GRIP1: variants seen among roughly 807,000 people sequenced by gnomAD.
The protein encoded by GRIP1 is glutamate receptor-interacting protein 1.
GRIP1 carries 45 observed loss-of-function variants against 129.9 expected under a neutral mutation model. That is an observed-to-expected ratio of 0.35 (90% CI 0.27 to 0.44). GRIP1 has a LOEUF of 0.44. Ranked by LOEUF, GRIP1 falls within the 20% of genes least tolerant of loss-of-function variation. The pLI is 1.00. For synonymous variants in GRIP1, 530 were observed against 520.8 expected, an observed-to-expected ratio of 1.02 and a Z score of -0.24; for missense variants, 1,196 against 1,396.8, an observed-to-expected ratio of 0.86 and a Z score of 2.29.
At chr12:66,832,068 T>C (rs575588415) in intron 1 of GRIP1, among the ~76,000 whole-genome samples, 1 of 152,314 alleles carries the variant, frequency 6.6e-6, no homozygotes, top group East Asian at 1.9e-4. Context: ...AAGTTGTGAA[T>C]TGAGACAAGT....
chr12:66,379,559 T>C, intron 19 of GRIP1, 123 bp from the exon 20 acceptor site: 3 of 960,146 alleles, frequency 3.1e-6, no homozygotes, highest in East Asian at 4.8e-5. Flanking sequence ...AGTGAACACA[T>C]AGTGTGTGCT....
intron 1 of GRIP1, among the ~76,000 whole-genome samples, chr12:67,037,090 G>T (rs2043107292): frequency 6.6e-6 from 1 of 152,004 alleles, no homozygotes; most frequent in African/African-American, 2.4e-5. Context: ...CCAGCACTTT[G>T]GAAGGCCAAG....
intron 1 of GRIP1, among the ~76,000 whole-genome samples, chr12:66,764,691 T>C (rs1164646980): frequency 6.6e-6 from 1 of 152,172 alleles, no homozygotes; most frequent in Non-Finnish European, 1.5e-5. Flanking sequence ...AAAGGGAGTT[T>C]GTGTTTTCTC....
At chr12:66,987,253 G>A (rs1304227463) in intron 1 of GRIP1, among the ~76,000 whole-genome samples, 1 of 152,218 alleles carries the variant, frequency 6.6e-6, no homozygotes, top group Non-Finnish European at 1.5e-5. Context: ...TTTGCTCACT[G>A]TGATACCCCA....
chr12:66,862,545 C>T (rs2040130389), intron 1 of GRIP1, among the ~76,000 whole-genome samples: 1 of 152,058 alleles, frequency 6.6e-6, no homozygotes, highest in South Asian at 2.1e-4. Context: ...CTTTGTGACA[C>T]CAAGGTGCTC....
At chr12:66,362,332 T>C (rs1305109402) in intron 23 of GRIP1, among the ~76,000 whole-genome samples, 1 of 151,812 alleles carries the variant, frequency 6.6e-6, no homozygotes, top group East Asian at 1.9e-4. Context: ...TTTGTATTTT[T>C]AGTAGAGATG....
intron 14 of GRIP1, among the ~76,000 whole-genome samples, chr12:66,431,161 C>A (rs10878420): frequency 6.6e-6 from 1 of 151,968 alleles, no homozygotes; most frequent in South Asian, 2.1e-4. Flanking sequence ...AATTCTGATA[C>A]GCTTTCTTAA....
At chr12:66,864,824 T>C (rs1189049965) in intron 1 of GRIP1, among the ~76,000 whole-genome samples, 1 of 152,192 alleles carries the variant, frequency 6.6e-6, no homozygotes, top group Non-Finnish European at 1.5e-5. Flanking sequence ...AAGGCTTTTG[T>C]AGTTCAAATC....
chr12:66,701,709 C>T (rs2035359787), intron 1 of GRIP1, among the ~76,000 whole-genome samples: 1 of 152,156 alleles, frequency 6.6e-6, no homozygotes, highest in African/African-American at 2.4e-5. Context: ...TCCTTAACAG[C>T]AATGGCTCTT....
intron 1 of GRIP1, among the ~76,000 whole-genome samples, chr12:66,920,599 AT>A (rs563035056): frequency 6.6e-6 from 1 of 152,230 alleles, no homozygotes; most frequent in Non-Finnish European, 1.5e-5. Context: ...TTGATGTCTG[AT>A]GAAGAATAAC....
chr12:66,676,206 T>C (rs75350340), intron 1 of GRIP1, among the ~76,000 whole-genome samples: 4,719 of 152,252 alleles, frequency 0.031, 111 homozygotes, highest in East Asian at 0.1. Flanking sequence ...GTCTGGCACA[T>C]AGTAGGTACT....
At chr12:66,737,313 T>A (rs2036636643) in intron 1 of GRIP1, among the ~76,000 whole-genome samples, 2 of 152,176 alleles carry the variant, frequency 1.3e-5, no homozygotes, top group African/African-American at 4.8e-5. Flanking sequence ...AGATGGAGTC[T>A]CACTCTGTCA....
chr12:66,605,066 C>CATAT (rs34122251), intron 1 of GRIP1, among the ~76,000 whole-genome samples: 31,941 of 146,762 alleles, frequency 0.22, 3,569 homozygotes, highest in Middle Eastern at 0.26. Flanking sequence ...TATATATATA[C>CATAT]ATATATATAT....
intron 1 of GRIP1, among the ~76,000 whole-genome samples, chr12:66,912,462 C>T (rs531601572): frequency 6.6e-6 from 1 of 151,960 alleles, no homozygotes; most frequent in Non-Finnish European, 1.5e-5. Context: ...TTTGATCTTC[C>T]TGGCAGCCTA....
At chr12:66,459,330 G>A (rs2059065522) in intron 9 of GRIP1, among the ~76,000 whole-genome samples, 1 of 152,308 alleles carries the variant, frequency 6.6e-6, no homozygotes, top group South Asian at 2.1e-4. Flanking sequence ...GGGTGTACAA[G>A]AAGACATTTC....
At position 66,566,293 on chromosome 12, in the gene GRIP1, C is replaced by A. The variant is rs1483270292; in HGVS notation, c.137-24343G>T. On this transcript the variant is annotated intron_variant, in intron 2 of 24. Transcript: ENST00000359742. ...AGCTCTTATATTTTGAGATATGTCC[C>A]ATCAATACCTAATTTATTGAGAGTT... 3.9e-5 allele frequency among the ~76,000 whole-genome samples: 6 copies of A among 152,248 alleles called. No individual in the cohort carries two copies. The East Asian group carries it at 9.6e-4, about 24-fold the overall frequency.
chr12:66,595,460 T>G (rs2139749326), intron 2 of GRIP1, among the ~76,000 whole-genome samples: 1 of 152,288 alleles, frequency 6.6e-6, no homozygotes, highest in South Asian at 2.1e-4. Context: ...CACTGGGAAG[T>G]CTCCTGCTTC....
chr12:66,698,846 T>C (rs1017634367), intron 1 of GRIP1, among the ~76,000 whole-genome samples: 2 of 152,162 alleles, frequency 1.3e-5, no homozygotes, highest in Non-Finnish European at 2.9e-5. Context: ...AAAGCACAGT[T>C]TCTGGAGTAA....
chr12:66,758,833 C>A (rs1476680353), intron 1 of GRIP1, among the ~76,000 whole-genome samples: 1 of 152,166 alleles, frequency 6.6e-6, no homozygotes, highest in Non-Finnish European at 1.5e-5. Context: ...CCAGGTCATG[C>A]TAATGCAAGA....
Sources: gnomAD v4.1 joint callset for allele counts (sites outside exome capture counted in the v4.1 genomes callset) on GRCh38, gnomAD v4.1.1 for gene constraint, MANE v1.5 for transcripts, NCBI Gene and HGNC (gene_info 2026-07-23, HGNC 2026-07-21) for gene names.